Variants in SPEG observed in about 807,000 individuals in gnomAD.
SPEG encodes the protein striated muscle enriched protein kinase.
SPEG carries 114 observed loss-of-function variants against 300.4 expected under a neutral mutation model. That is an observed-to-expected ratio of 0.38 (90% CI 0.33 to 0.44). The LOEUF (loss-of-function observed/expected upper bound fraction) is 0.44. Ranked by LOEUF, SPEG falls within the 20% of genes least tolerant of loss-of-function variation. The probability of loss-of-function intolerance (pLI) is 1.00; values close to 1 mark genes in which losing one functional copy is unlikely to be tolerated. For missense variants in SPEG, 4,201 were observed against 4,586.2 expected, an observed-to-expected ratio of 0.92 and a Z score of 2.43; for synonymous variants, 1,964 against 2,018.9, an observed-to-expected ratio of 0.97 and a Z score of 0.73.
intron 13 of SPEG, among the ~76,000 whole-genome samples, chr2:219,470,913 A>G (rs534207036): frequency 6.6e-6 from 1 of 152,238 alleles, no homozygotes; most frequent in Non-Finnish European, 1.5e-5. Context: ...CAGAGCAGGC[A>G]ACTCTTGTAA....
chr2:219,473,368 G>A lies in SPEG; in HGVS notation c.4148-136G>A, dbSNP rs1289255997. On this transcript the variant is annotated intron_variant, in intron 16 of 40. Coordinates refer to ENST00000312358, the MANE Select transcript of SPEG (RefSeq NM_005876.5). The surrounding 1 kb of genome is among the most constrained non-coding windows in gnomAD (Gnocchi z 4.6). ...TCTGGCTGTGTTCCCCTGACAAATCGCTAAACCTCTCTGAGCTTCAGCTTT... is the reference window on the plus strand; with the variant it reads ...TCTGGCTGTGTTCCCCTGACAAATCACTAAACCTCTCTGAGCTTCAGCTTT... 2 of 953,172 alleles carry A rather than the reference G, an allele frequency of 2.1e-6. No homozygotes were observed. Among genetic ancestry groups the A allele is most frequent in the South Asian group, 1.6e-5 (1 of 63,678 alleles). 59.0% of individuals were successfully genotyped at this position (953,172 alleles called of 1,614,324 possible).
chr2:219,491,149 T>C (rs899818544), intron 38 of SPEG, among the ~76,000 whole-genome samples, 193 bp downstream of exon 38: 1 of 152,188 alleles, frequency 6.6e-6, no homozygotes, highest in African/African-American at 2.4e-5. Context: ...CTTTTACAGA[T>C]GAGGAAACTG....
rs765897715 is a variant in SPEG, at chr2:219,477,793, G to T, written c.4826+8G>T. 2 of 1,602,632 alleles carry T rather than the reference G, an allele frequency of 1.2e-6. No homozygotes were observed. Among genetic ancestry groups the T allele is most frequent in the Non-Finnish European group, 1.7e-6 (2 of 1,172,914 alleles). On this transcript the variant is annotated splice_region_variant and intron_variant, in intron 21 of 40. Coordinates refer to ENST00000312358, the MANE Select transcript of SPEG (RefSeq NM_005876.5). This position sits in a 1 kb window ranked among gnomAD's most constrained non-coding sequence, Gnocchi z 6.4. ...CCACCAGGAGATCGGCAGGTGTGGG[G>T]CTAGGAGGGAAGCCAGTGGGGGCCG...
rs1370156198 is a variant in SPEG, at chr2:219,444,684, T to A, written c.420T>A (p.Asp140Glu). 1.2e-6 allele frequency: 2 copies of A among 1,613,988 alleles called. No individual in the cohort carries two copies. Among genetic ancestry groups the A allele is most frequent in the South Asian group, 2.2e-5 (2 of 91,082 alleles). ...DSETAEDDIS[D>E]VQGTQRLELR... ...AGACGGCTGAGGATGACATCAGCGA[T>A]GTGCAGGGAACCCAGCGCCTGGAGC... Residue 140 changes from aspartate (D) to glutamate (E), a missense_variant, in exon 2 of 41, where the codon GAT becomes GAA. Around this residue, in one of 4 missense-constraint regions of SPEG, gnomAD observed 1,258 missense variants for 1,293.9 expected, o/e 0.97. Transcript: ENST00000312358. This position sits in a 1 kb window ranked among gnomAD's most constrained non-coding sequence, Gnocchi z 7.8.
At chr2:219,487,165 TC>T (rs1221386296) in intron 31 of SPEG, among the ~76,000 whole-genome samples, 3 of 152,018 alleles carry the variant, frequency 2.0e-5, no homozygotes, top group Non-Finnish European at 4.4e-5. Flanking sequence ...AAAGGGACAT[TC>T]CCAGGGATCA....
chr2:219,483,240 A>G lies in SPEG; in HGVS notation c.5777A>G (p.Glu1926Gly). Residue 1926 changes from glutamate (E) to glycine (G), a missense_variant, in exon 30 of 41, where the codon GAG becomes GGG. Transcript: ENST00000312358. ...GGLSSSSDSEEEELEELPSVP... is the reference protein window; with the variant it reads ...GGLSSSSDSEGEELEELPSVP... ...CTCTCATCCTCCTCGGATTCTGAAG[A>G]GGAAGAGCTGGAAGAGCTGCCCTCA... is the stretch of plus-strand genomic sequence containing the variant. The G allele has an allele frequency of 6.2e-7, 1 of 1,610,910 alleles. No individual in the cohort carries two copies. Among genetic ancestry groups the G allele is most frequent in the Non-Finnish European group, 8.5e-7 (1 of 1,179,230 alleles).
chr2:219,471,975 C>A lies in SPEG; in HGVS notation c.3823C>A (p.Leu1275Met). The A allele has an allele frequency of 1.2e-6, 2 of 1,612,716 alleles. No homozygotes were observed. Among genetic ancestry groups the A allele is most frequent in the South Asian group, 2.2e-5 (2 of 91,080 alleles). Reference protein sequence around the residue: ...KLGKAACYAHLYVTDVVPGPP... With the variant: ...KLGKAACYAHMYVTDVVPGPP... ...GGGCAAAGCTGCCTGCTATGCCCAC[C>A]TGTATGTCACAGGTGAGGCAGGCAC... is the stretch of plus-strand genomic sequence containing the variant. Residue 1275 changes from leucine to methionine, a missense_variant, in exon 14 of 41, where the codon CTG becomes ATG. Around this residue, in one of 4 missense-constraint regions of SPEG, gnomAD observed 1,047 missense variants for 1,356.8 expected, o/e 0.77. Coordinates refer to ENST00000312358, the MANE Select transcript of SPEG (RefSeq NM_005876.5).
rs943668636 is a variant in SPEG, at chr2:219,437,841, G to A, written c.388+2476G>A. On this transcript the variant is annotated intron_variant, in intron 1 of 40. Transcript: ENST00000312358. ...TCCAGGGCAGCCGGGCAAGCAGCTCGGCATTGCTCAGACTTACTCATGGAA... is the reference window on the plus strand; with the variant it reads ...TCCAGGGCAGCCGGGCAAGCAGCTCAGCATTGCTCAGACTTACTCATGGAA... Among the ~76,000 whole-genome samples, 19 of 152,174 alleles carry A rather than the reference G, an allele frequency of 1.2e-4. No homozygotes were observed. The East Asian group carries it at 2.3e-3, about 19-fold the overall frequency.
intron 4 of SPEG, 102 bp downstream of exon 4, chr2:219,449,373 C>A: frequency 1.1e-6 from 1 of 943,740 alleles, no homozygotes; most frequent in Non-Finnish European, 1.4e-6. Flanking sequence ...GGGGGTTTCG[C>A]CTGGGGCTGC....
Position 219,484,383 on chromosome 2 carries a change from C to T in SPEG, c.6920C>T (p.Ala2307Val). ...GGTCCCCCGGTGCTAGCCGAGAAAG[C>T]CCGAGTTCCCACGGTGCCCCCCAGG... Reference protein sequence around the residue: ...AGGPPVLAEKARVPTVPPRPG... With the variant: ...AGGPPVLAEKVRVPTVPPRPG... Residue 2307 changes from alanine (A) to valine (V), a missense_variant, in exon 30 of 41, where the codon GCC (alanine) becomes GTC (valine). Transcript: ENST00000312358. 1 of 1,609,362 alleles carries T rather than the reference C, an allele frequency of 6.2e-7. No individual in the cohort carries two copies.
chr2:219,491,863 A>C lies in SPEG; in HGVS notation c.9455A>C (p.Tyr3152Ser). Reference protein sequence around the residue: ...TDIWGAGVLTYIMLSGRSPFY... With the variant: ...TDIWGAGVLTSIMLSGRSPFY... ...ATCTGGGGAGCGGGTGTGCTCACTT[A>C]CATTATGTGAGTGTCCCCTACCCCA... Residue 3152 changes from tyrosine to serine, a missense_variant, in exon 39 of 41, where the codon TAC (tyrosine) becomes TCC (serine). Tyr to Ser is a moderately radical substitution (Grantham distance 144, BLOSUM62 -2). Transcript: ENST00000312358. 1 of 1,604,732 alleles carries C rather than the reference A, an allele frequency of 6.2e-7. No individual in the cohort carries two copies.
At position 219,488,482 on chromosome 2, in the gene SPEG, TCCTCCC is replaced by T. The variant is rs757845950; in HGVS notation, c.7859-15_7859-10del. The T allele has an allele frequency of 6.4e-7, 1 of 1,553,000 alleles. No individual in the cohort carries two copies. The highest frequency in any genetic ancestry group is 2.3e-5 in the East Asian group (1 of 44,218). On this transcript the variant is annotated splice_polypyrimidine_tract_variant and intron_variant, in intron 32 of 40. Transcript: ENST00000312358. ...TGCCTCACTCAGCAGCAACTCCTGC[TCCTCCC>T]TGTCCCCAGACAAGAAGTCCTTGAG...
Position 219,464,396 on chromosome 2 carries a change from C to A in SPEG, c.2706-37C>A. On this transcript the variant is annotated intron_variant, in intron 8 of 40. Transcript: ENST00000312358. This position sits in a 1 kb window ranked among gnomAD's most constrained non-coding sequence, Gnocchi z 4.5. ...AGTTCCTGTGCACGCACATCAGGCC[C>A]CTGGGCCCTGGGACTGAGTTCTTGC... The A allele has an allele frequency of 6.3e-7, 1 of 1,588,726 alleles. No homozygotes were observed. The highest frequency in any genetic ancestry group is 1.1e-5 in the South Asian group (1 of 88,318).
chr2:219,444,790 G>A lies in SPEG; in HGVS notation c.479-35G>A, dbSNP rs1256750604. The A allele has an allele frequency of 1.2e-6, 2 of 1,611,226 alleles. No individual in the cohort carries two copies. On this transcript the variant is annotated intron_variant, in intron 2 of 40. Transcript: ENST00000312358. This position sits in a 1 kb window ranked among gnomAD's most constrained non-coding sequence, Gnocchi z 7.8. Reference sequence around the variant, plus strand: ...GAGCAGGCAGGCGGGTTTTCCATAAGGGGTGCCTCAGTCTCACGGTGCTCC... The same window carrying A: ...GAGCAGGCAGGCGGGTTTTCCATAAAGGGTGCCTCAGTCTCACGGTGCTCC...
In SPEG at chr2:219,448,504, C is replaced by T. The variant is rs1369001280; in HGVS notation, c.1346C>T (p.Thr449Ile). Residue 449 changes from threonine (T) to isoleucine (I), a missense_variant, in exon 4 of 41, where the codon ACC (threonine) becomes ATC (isoleucine). Thr to Ile is a moderately conservative substitution (Grantham distance 89). Coordinates refer to ENST00000312358, the MANE Select transcript of SPEG (RefSeq NM_005876.5). ...PKSERGAPWGTPGASQEELRA... is the reference protein window; with the variant it reads ...PKSERGAPWGIPGASQEELRA... The stretch of plus-strand genomic sequence containing the variant: ...TCGGAGCGCGGCGCACCGTGGGGCA[C>T]CCCCGGGGCCTCGCAGGAAGAACTG... 2.8e-6 allele frequency: 4 copies of T among 1,451,928 alleles called. No homozygotes were observed. In the East Asian group the frequency reaches 1.2e-4, roughly 42 times the overall value. 89.9% of individuals were successfully genotyped at this position (1,451,928 alleles called of 1,614,324 possible).
intron 29 of SPEG, 103 bp from the exon 30 acceptor site, chr2:219,482,995 C>A: frequency 2.1e-6 from 3 of 1,423,004 alleles, no homozygotes; most frequent in Non-Finnish European, 2.9e-6. Context: ...TGTTCCCTGA[C>A]CCTCTGCATG....
At chr2:219,474,089 A>G in intron 18 of SPEG, 186 bp downstream of exon 18, 2 of 637,258 alleles carry the variant, frequency 3.1e-6, no homozygotes, top group Non-Finnish European at 2.6e-6. Context: ...TACTAACAAG[A>G]TTTATTGGCC....
In SPEG at chr2:219,466,336, GGGTATCAACCCCC is replaced by G. The variant is rs1435206070; in HGVS notation, c.2882-837_2882-825del. Reference sequence around the variant, plus strand: ...AGTGCTGGGAAGGGGCGGCTGCGAGGGGTATCAACCCCCCGAGTCTCTCCCTGAAGGGGAGCAC... The same window carrying G: ...AGTGCTGGGAAGGGGCGGCTGCGAGGCGAGTCTCTCCCTGAAGGGGAGCAC... On this transcript the variant is annotated intron_variant, in intron 9 of 40. Coordinates refer to ENST00000312358, the MANE Select transcript of SPEG (RefSeq NM_005876.5). 9.2e-6 allele frequency: 13 copies of G among 1,407,720 alleles called. No homozygotes were observed. The Admixed American group carries it at 1.7e-4, about 18-fold the overall frequency. The allele number at this position is 1,407,720 out of a possible 1,614,324, so 87.2% of individuals were successfully genotyped here.
At position 219,463,790 on chromosome 2, in the gene SPEG, A is replaced by G. The variant is rs1378612915; in HGVS notation, c.2706-643A>G. On this transcript the variant is annotated intron_variant, in intron 8 of 40. Coordinates refer to ENST00000312358, the MANE Select transcript of SPEG (RefSeq NM_005876.5). ...GAAAGCTATCTGTCCATTATAAATA[A>G]ATAAAAATAAGACATGGGGAAGTTT... 5.9e-5 allele frequency among the ~76,000 whole-genome samples: 9 copies of G among 152,056 alleles called. No individual in the cohort carries two copies. In the South Asian group the frequency reaches 1.7e-3, roughly 28 times the overall value.
Sources: gnomAD v4.1 joint callset for allele counts (sites outside exome capture counted in the v4.1 genomes callset) on GRCh38, gnomAD v4.1.1 for gene constraint, gnomAD v4.1.1 regional missense constraint, Gnocchi (gnomAD v3.1) non-coding constraint, MANE v1.5 for transcripts, NCBI Gene and HGNC (gene_info 2026-07-23, HGNC 2026-07-21) for gene names.